The following FOXN3 variants were observed in gnomAD, a reference collection of about 807,000 sequenced individuals.
The protein encoded by FOXN3 is forkhead box protein N3.
Under a neutral mutation model 38.4 loss-of-function variants are expected in FOXN3, and 7 were observed. That is an observed-to-expected ratio of 0.18 (90% CI 0.10 to 0.34). FOXN3 has a LOEUF of 0.34. Ranked by LOEUF, FOXN3 falls within the 10% of genes least tolerant of loss-of-function variation. FOXN3 has a pLI of 1.00. For missense variants in FOXN3, 456 were observed against 613.4 expected, an observed-to-expected ratio of 0.74 and a Z score of 2.71; for synonymous variants, 230 against 242.2, an observed-to-expected ratio of 0.95 and a Z score of 0.47.
chr14:89,494,898 T>C (rs985964608), intron 1 of FOXN3, among the ~76,000 whole-genome samples: 1 of 152,224 alleles, frequency 6.6e-6, no homozygotes, highest in African/African-American at 2.4e-5. Context: ...CAGAAAGGAA[T>C]TGTGATTTTC....
chr14:89,524,694 T>C (rs1894401335), intron 1 of FOXN3, among the ~76,000 whole-genome samples: 1 of 152,078 alleles, frequency 6.6e-6, no homozygotes, highest in Non-Finnish European at 1.5e-5. Flanking sequence ...ATAAATTCAA[T>C]ATTTAAATTT....
At chr14:89,438,683 C>T (rs1167725455) in intron 1 of FOXN3, among the ~76,000 whole-genome samples, 1 of 152,048 alleles carries the variant, frequency 6.6e-6, no homozygotes, top group Non-Finnish European at 1.5e-5. Context: ...TTGTCAGTTT[C>T]TTAAACATAT....
intron 1 of FOXN3, among the ~76,000 whole-genome samples, chr14:89,452,531 C>T (rs867390179): frequency 6.6e-6 from 1 of 152,198 alleles, no homozygotes; most frequent in Non-Finnish European, 1.5e-5. Flanking sequence ...TTAGGAAATG[C>T]GTGCTCTAAA....
chr14:89,494,061 G>GA, intron 1 of FOXN3: 1 of 152,092 alleles, frequency 6.6e-6, no homozygotes. Context: ...CGCAACCCCC[G>GA]ACACATCGTT....
At chr14:89,206,202 C>T (rs1040152969) in intron 4 of FOXN3, among the ~76,000 whole-genome samples, 8 of 152,256 alleles carry the variant, frequency 5.3e-5, no homozygotes, top group South Asian at 2.1e-4. Context: ...GTGGGTAAAA[C>T]GCCCCGTACA....
intron 2 of FOXN3, among the ~76,000 whole-genome samples, chr14:89,354,909 G>T (rs539904503): frequency 3.3e-4 from 50 of 152,188 alleles, no homozygotes; most frequent in South Asian, 6.2e-4. Context: ...ACCATTAAGT[G>T]TCGGGGAATT....
intron 4 of FOXN3, among the ~76,000 whole-genome samples, chr14:89,230,450 T>C (rs1054793921): frequency 6.6e-6 from 1 of 152,234 alleles, no homozygotes; most frequent in African/African-American, 2.4e-5. Context: ...GGCAAGTCAC[T>C]TCATCTCTGT....
chr14:89,473,358 A>T (rs535475783), intron 1 of FOXN3, among the ~76,000 whole-genome samples: 74 of 145,674 alleles, frequency 5.1e-4, no homozygotes, highest in Admixed American at 1.4e-3. Flanking sequence ...CCAATTTCTG[A>T]TATGGAAGAT....
intron 1 of FOXN3, among the ~76,000 whole-genome samples, chr14:89,617,140 T>G (rs983083622): frequency 6.6e-6 from 1 of 152,206 alleles, no homozygotes; most frequent in East Asian, 1.9e-4. Flanking sequence ...CATCGGTTAT[T>G]AGATACAATC....
chr14:89,190,926 T>C (rs1024666667), intron 4 of FOXN3, among the ~76,000 whole-genome samples: 5 of 152,160 alleles, frequency 3.3e-5, no homozygotes, highest in African/African-American at 1.2e-4. Context: ...CAGCAGAATG[T>C]AAATTGTGTT....
chr14:89,280,930 G>T lies in FOXN3; in HGVS notation c.745+20C>A. On this transcript the variant is annotated intron_variant, in intron 4 of 5. Transcript: ENST00000557258. ...GTGGGTGAGGGGGAGGGAGAGGAAG[G>T]GGTGTTACTAGGGACCTACCTTGGA... 3 of 1,606,772 alleles carry T rather than the reference G, an allele frequency of 1.9e-6. No individual in the cohort carries two copies. Among genetic ancestry groups the T allele is most frequent in the Non-Finnish European group, 2.6e-6 (3 of 1,173,962 alleles).
chr14:89,473,088 G>A (rs1203590794), intron 1 of FOXN3, among the ~76,000 whole-genome samples: 5 of 151,950 alleles, frequency 3.3e-5, no homozygotes, highest in African/African-American at 4.8e-5. Context: ...GCAGTGGCGC[G>A]ATCTCAGCTC....
At chr14:89,413,910 G>A (rs1483318391) in intron 1 of FOXN3, among the ~76,000 whole-genome samples, 1 of 143,058 alleles carries the variant, frequency 7.0e-6, no homozygotes, top group Non-Finnish European at 1.5e-5. Context: ...GCAGGGCAAG[G>A]GGAGGAAGGA....
upstream of FOXN3, among the ~76,000 whole-genome samples, chr14:89,418,711 T>G (rs184412470): frequency 2.2e-3 from 333 of 152,238 alleles, 1 homozygote; most frequent in African/African-American, 7.5e-3. Context: ...CCAGAGATTC[T>G]CAGGGTTAGA....
At chr14:89,533,334 G>GA (rs376270032) in intron 1 of FOXN3, among the ~76,000 whole-genome samples, 25 of 152,252 alleles carry the variant, frequency 1.6e-4, no homozygotes, top group African/African-American at 6.0e-4. Context: ...CAATCCAGGG[G>GA]CCAGCATCAT....
chr14:89,535,886 T>G (rs10484012), intron 1 of FOXN3, among the ~76,000 whole-genome samples: 1 of 152,126 alleles, frequency 6.6e-6, no homozygotes, highest in African/African-American at 2.4e-5. Flanking sequence ...GGAGGGAGAT[T>G]TATGTATATG....
intron 3 of FOXN3, among the ~76,000 whole-genome samples, chr14:89,289,652 AGAACCT>A (rs1285873933): frequency 6.6e-6 from 1 of 152,222 alleles, no homozygotes; most frequent in Non-Finnish European, 1.5e-5. Context: ...TCAAGGACAA[AGAACCT>A]GAATTTGGTC....
intron 1 of FOXN3, among the ~76,000 whole-genome samples, chr14:89,517,747 G>A (rs1039182232): frequency 6.6e-6 from 1 of 152,174 alleles, no homozygotes; most frequent in African/African-American, 2.4e-5. Context: ...AGGACTAGAA[G>A]AGCAATTGCA....
At position 89,162,018 on chromosome 14, in the gene FOXN3, G is replaced by C. The variant is rs1241817807; in HGVS notation, c.*396C>G. The C allele has an allele frequency of 6.1e-6, 1 of 163,374 alleles. No individual in the cohort carries two copies. Among genetic ancestry groups the C allele is most frequent in the African/African-American group, 2.4e-5 (1 of 41,576 alleles). 10.1% of individuals were successfully genotyped at this position (163,374 alleles called of 1,614,324 possible). A position where few individuals can be genotyped will look rare whatever the true frequency, so the allele number is the denominator to read the frequency against. On this transcript the variant is annotated 3_prime_UTR_variant, in exon 6 of 6. Coordinates refer to ENST00000557258, the MANE Select transcript of FOXN3 (RefSeq NM_005197.4). This position sits in a 1 kb window ranked among gnomAD's most constrained non-coding sequence, Gnocchi z 7.2. ...GTTGGGCCTGAACGATGATTACTTT[G>C]CCCACGTGCCTTCTAGGTGCCGAAT...
Sources: allele counts gnomAD v4.1 joint callset (sites outside exome capture counted in the v4.1 genomes callset), GRCh38; gene constraint gnomAD v4.1.1; non-coding constraint Gnocchi (gnomAD v3.1); transcripts MANE v1.5; gene names NCBI Gene and HGNC (gene_info 2026-07-23, HGNC 2026-07-21).